PPM1K: variants seen among roughly 807,000 people sequenced by gnomAD.
PPM1K encodes the protein protein phosphatase Mn(2+)-dependent 1K.
A neutral mutation model predicts 32.6 loss-of-function variants in PPM1K; 19 were observed. That is an observed-to-expected ratio of 0.58 (90% CI 0.41 to 0.86). The LOEUF (loss-of-function observed/expected upper bound fraction) is 0.86, where lower values mean the gene tolerates loss of function less well. PPM1K is among the 40% of genes least tolerant of loss of function. The pLI is 0.00. For synonymous variants in PPM1K, 159 were observed against 165.3 expected (o/e 0.96, Z 0.29); for missense variants, 362 against 461.2 (o/e 0.78, Z 1.97).
chr4:88,263,065 G>C (rs1695015425), intron 6 of PPM1K, among the ~76,000 whole-genome samples: 1 of 152,154 alleles, frequency 6.6e-6, no homozygotes, highest in Non-Finnish European at 1.5e-5. Context: ...ATTCAGCGTA[G>C]GGAGTAACAC....
At chr4:88,276,574 G>C (rs1192004345) in intron 3 of PPM1K, 3 of 985,232 alleles carry the variant, frequency 3.0e-6, no homozygotes, top group African/African-American at 3.5e-5. Flanking sequence ...AATATCACTA[G>C]TTACCAGAGA....
chr4:88,264,916 C>T (rs1731247116), intron 6 of PPM1K, 85 bp downstream of exon 6: 7 of 1,378,258 alleles, frequency 5.1e-6, no homozygotes, highest in Non-Finnish European at 2.0e-6. Context: ...AAATTCACTG[C>T]AACACTCAAA....
At chr4:88,262,860 T>A in intron 6 of PPM1K, 134 bp from the exon 7 acceptor site, 1 of 840,626 alleles carries the variant, frequency 1.2e-6, no homozygotes, top group Non-Finnish European at 1.7e-6. Context: ...GTTACTAACC[T>A]ACTTATTTCA....
In PPM1K at chr4:88,278,978, G is replaced by A. The variant is rs1446670421; in HGVS notation, c.-59-336C>T. ...CTTAAACTTGAACCTGCAATCACTT[G>A]TTAAAATGCATGTTCTGACCCAGTG... is the stretch of plus-strand genomic sequence containing the variant. On this transcript the variant is annotated intron_variant, in intron 1 of 6. Coordinates refer to ENST00000608933, the MANE Select transcript of PPM1K (RefSeq NM_152542.5). The surrounding 1 kb of genome is among the most constrained non-coding windows in gnomAD (Gnocchi z 4.2). 4.4e-5 allele frequency: 8 copies of A among 180,702 alleles called. No homozygotes were observed. Among genetic ancestry groups the A allele is most frequent in the Non-Finnish European group, 9.3e-5 (8 of 85,750 alleles). The allele number at this position is 180,702 out of a possible 1,614,324, so 11.2% of individuals were successfully genotyped here.
chr4:88,276,985 T>G (rs527687857), intron 3 of PPM1K, 158 bp downstream of exon 3: 1 of 682,136 alleles, frequency 1.5e-6, no homozygotes, highest in South Asian at 2.6e-5. Flanking sequence ...CCAACAGCAT[T>G]TAATGTGATT....
chr4:88,262,302 G>C lies in PPM1K; in HGVS notation c.*293C>G, dbSNP rs2110152130. 5.0e-6 allele frequency: 1 copy of C among 201,338 alleles called. No homozygotes were observed. Among genetic ancestry groups the C allele is most frequent in the African/African-American group, 2.3e-5 (1 of 43,338 alleles). 12.5% of individuals were successfully genotyped at this position (201,338 alleles called of 1,614,324 possible). A position where few individuals can be genotyped will look rare whatever the true frequency, so the allele number is the denominator to read the frequency against. Reference sequence around the variant, plus strand: ...AAAAGAAACCCATAGCTGCCTAAGAGTCTTAAAAATTATTAATGTGACACT... The same window carrying C: ...AAAAGAAACCCATAGCTGCCTAAGACTCTTAAAAATTATTAATGTGACACT... On this transcript the variant is annotated 3_prime_UTR_variant, in exon 7 of 7. Transcript: ENST00000608933.
intron 3 of PPM1K, chr4:88,275,461 G>T: frequency 1.0e-6 from 1 of 985,192 alleles, no homozygotes; most frequent in Non-Finnish European, 1.2e-6. Context: ...AATAATAAAA[G>T]GAGTCCTGTC....
At chr4:88,265,172 G>C in intron 5 of PPM1K, 37 bp from the exon 6 acceptor site, 1 of 1,612,644 alleles carries the variant, frequency 6.2e-7, no homozygotes, top group Non-Finnish European at 8.5e-7. Flanking sequence ...TTATAAGCTA[G>C]ACTCTGCCTT....
chr4:88,272,976 C>T (rs559472243), intron 3 of PPM1K, among the ~76,000 whole-genome samples: 82 of 152,308 alleles, frequency 5.4e-4, no homozygotes, highest in Non-Finnish European at 8.5e-4. Flanking sequence ...CTCTTGCCCA[C>T]GCTGAACTCA....
At position 88,275,673 on chromosome 4, in the gene PPM1K, T is replaced by C. The variant is rs981853406; in HGVS notation, c.541+1470A>G. ...AACAGCTGGGGCACACCACCGACAC[T>C]ACAGTCAACAAACATTGTGGTGTGA... On this transcript the variant is annotated intron_variant, in intron 3 of 6. Coordinates refer to ENST00000608933, the MANE Select transcript of PPM1K (RefSeq NM_152542.5). 32 of 985,300 alleles carry C rather than the reference T, an allele frequency of 3.2e-5. No homozygotes were observed. In the African/African-American group the frequency reaches 4.4e-4, roughly 13 times the overall value. The allele number at this position is 985,300 out of a possible 1,614,324, so 61.0% of individuals were successfully genotyped here.
intron 4 of PPM1K, 43 bp downstream of exon 4, chr4:88,268,698 A>G: frequency 6.4e-7 from 1 of 1,562,332 alleles, no homozygotes; most frequent in South Asian, 1.1e-5. Context: ...AACTAAAAAC[A>G]TCATCCACAT....
At chr4:88,270,104 T>C (rs1037937438) in intron 3 of PPM1K, among the ~76,000 whole-genome samples, 2 of 152,240 alleles carry the variant, frequency 1.3e-5, no homozygotes, top group African/African-American at 4.8e-5. Context: ...AAAAACGAAG[T>C]GCTACTAATT....
At position 88,278,130 on chromosome 4, in the gene PPM1K, G is replaced by C; in HGVS notation, c.440+14C>G. 6.3e-7 allele frequency: 1 copy of C among 1,599,780 alleles called. No homozygotes were observed. On this transcript the variant is annotated intron_variant, in intron 2 of 6. Coordinates refer to ENST00000608933, the MANE Select transcript of PPM1K (RefSeq NM_152542.5). This position sits in a 1 kb window ranked among gnomAD's most constrained non-coding sequence, Gnocchi z 4.2. ...AGGAACTGCAAAGTCAGGAGTGAAA[G>C]TCATTGTACATACATAATACATTTC...
rs746636449 is a variant in PPM1K at position 88,258,174 on chromosome 4, T to G, written c.*4421A>C. The G allele has an allele frequency of 3.2e-4, 48 of 152,138 alleles. No individual in the cohort carries two copies. The highest frequency in any genetic ancestry group is 6.5e-4 in the Non-Finnish European group (44 of 68,030). The allele number at this position is 152,138 out of a possible 1,614,324, so 9.4% of individuals were successfully genotyped here. On this transcript the variant is annotated 3_prime_UTR_variant, in exon 7 of 7. Coordinates refer to ENST00000608933, the MANE Select transcript of PPM1K (RefSeq NM_152542.5). ...TACAGACATGGGTATATGAGAACCA[T>G]GGAGGTGCTAAAGAAAAATAGAAGC...
intron 3 of PPM1K, chr4:88,274,959 A>T (rs1731705590): frequency 2.5e-6 from 1 of 401,648 alleles, no homozygotes; most frequent in African/African-American, 2.2e-5. Context: ...ACAAATAACA[A>T]ATTTAATAAC....
intron 2 of PPM1K, 64 bp from the exon 3 acceptor site, chr4:88,277,307 T>G: frequency 9.3e-7 from 1 of 1,078,680 alleles, no homozygotes; most frequent in Non-Finnish European, 1.4e-6. Flanking sequence ...CTCCTCACTG[T>G]TACTCTAGCT....
At chr4:88,271,677 T>A (rs1372924547) in intron 3 of PPM1K, among the ~76,000 whole-genome samples, 1 of 152,144 alleles carries the variant, frequency 6.6e-6, no homozygotes, top group Non-Finnish European at 1.5e-5. Context: ...GTCTCAAGAA[T>A]AGAAAGGTAA....
intron 3 of PPM1K, chr4:88,276,176 A>G: frequency 2.0e-6 from 2 of 985,452 alleles, no homozygotes; most frequent in Non-Finnish European, 2.4e-6. Flanking sequence ...TACCACTCTA[A>G]TCTTCAGTTC....
rs543406795 is a variant in PPM1K at position 88,262,233 on chromosome 4, G to T, written c.*362C>A. 6.4e-6 allele frequency: 1 copy of T among 155,948 alleles called. No individual in the cohort carries two copies. Among genetic ancestry groups the T allele is most frequent in the African/African-American group, 2.4e-5 (1 of 41,620 alleles). The allele number at this position is 155,948 out of a possible 1,614,324, so 9.7% of individuals were successfully genotyped here. A position where few individuals can be genotyped will look rare whatever the true frequency, so the allele number is the denominator to read the frequency against. On this transcript the variant is annotated 3_prime_UTR_variant, in exon 7 of 7. Coordinates refer to ENST00000608933, the MANE Select transcript of PPM1K (RefSeq NM_152542.5). ...AAAATTCAAACTGACTAGTTTTGAA[G>T]AACTTCAAAAACGTGTTCAAATGAA...
Sources: allele counts gnomAD v4.1 joint callset (sites outside exome capture counted in the v4.1 genomes callset), GRCh38; gene constraint gnomAD v4.1.1; non-coding constraint Gnocchi (gnomAD v3.1); transcripts MANE v1.5; gene names NCBI Gene and HGNC (gene_info 2026-07-23, HGNC 2026-07-21).